Variants in AK5 observed in about 807,000 individuals in gnomAD.
AK5 encodes the protein adenylate kinase isoenzyme 5.
Under a neutral mutation model 69.5 loss-of-function variants are expected in AK5, and 27 were observed. The ratio of observed to expected loss-of-function variants is 0.39; its 90% CI spans 0.29 to 0.54. The LOEUF (loss-of-function observed/expected upper bound fraction) is 0.54. Among genes scored for constraint, AK5 ranks in the 20% least tolerant of loss-of-function variants. AK5 has a pLI of 0.71. For missense variants in AK5, 531 were observed against 700.4 expected (o/e 0.76, Z 2.73); for synonymous variants, 260 against 244.4 (o/e 1.06, Z -0.60).
chr1:77,342,992 A>G (rs11162319), intron 6 of AK5, among the ~76,000 whole-genome samples: 15,193 of 152,226 alleles, frequency 0.1, 951 homozygotes, highest in East Asian at 0.2. Flanking sequence ...CATATTGCAG[A>G]CACCTAGAAC....
chr1:77,387,349 T>C (rs1298537090), intron 6 of AK5, among the ~76,000 whole-genome samples: 1 of 152,166 alleles, frequency 6.6e-6, no homozygotes, highest in Admixed American at 6.5e-5. Flanking sequence ...ATACAAAAAC[T>C]TAGGGATACA....
chr1:77,372,772 C>CGTGTGT (rs34235538), intron 6 of AK5, among the ~76,000 whole-genome samples: 31,525 of 149,486 alleles, frequency 0.21, 4,013 homozygotes, highest in Non-Finnish European at 0.28. Context: ...TGTGTGTGTG[C>CGTGTGT]GTGTGTGTGT....
intron 12 of AK5, among the ~76,000 whole-genome samples, chr1:77,535,149 A>G (rs1220515399): frequency 7.9e-5 from 12 of 152,234 alleles, no homozygotes; most frequent in Non-Finnish European, 1.5e-5. Flanking sequence ...GTGTTCCACA[A>G]AACCAGACAG....
At chr1:77,494,199 T>C (rs1656164811) in intron 10 of AK5, among the ~76,000 whole-genome samples, 1 of 152,252 alleles carries the variant, frequency 6.6e-6, no homozygotes, top group Non-Finnish European at 1.5e-5. Flanking sequence ...GGAAGCACTA[T>C]TAATTCACCA....
intron 5 of AK5, among the ~76,000 whole-genome samples, chr1:77,324,725 C>A (rs1660706872): frequency 6.6e-6 from 1 of 151,386 alleles, no homozygotes; most frequent in African/African-American, 2.4e-5. Context: ...CTACCCTCCT[C>A]CTGGAAGTAG....
intron 2 of AK5, among the ~76,000 whole-genome samples, chr1:77,290,598 A>G (rs940947444): frequency 2.0e-5 from 3 of 152,196 alleles, no homozygotes; most frequent in African/African-American, 7.2e-5. Context: ...TCTGTGAATA[A>G]GAGTTCTAAT....
chr1:77,425,561 T>A (rs1419679025), intron 8 of AK5, among the ~76,000 whole-genome samples: 1 of 152,068 alleles, frequency 6.6e-6, no homozygotes, highest in African/African-American at 2.4e-5. Flanking sequence ...CACTCCGGCC[T>A]GGGTGATAGA....
At chr1:77,476,359 G>A (rs572106268) in intron 8 of AK5, among the ~76,000 whole-genome samples, 118 of 152,258 alleles carry the variant, frequency 7.7e-4, no homozygotes, top group Non-Finnish European at 3.7e-4. Flanking sequence ...TGAAGGACCA[G>A]TCTCCCTTCT....
chr1:77,497,152 A>C (rs551888762), intron 10 of AK5, among the ~76,000 whole-genome samples: 44 of 152,350 alleles, frequency 2.9e-4, no homozygotes, highest in Non-Finnish European at 5.1e-4. Flanking sequence ...CAGCAAGACC[A>C]CGAACCCACT....
intron 5 of AK5, among the ~76,000 whole-genome samples, chr1:77,334,501 A>G (rs1193094203): frequency 2.6e-5 from 4 of 151,910 alleles, no homozygotes; most frequent in African/African-American, 9.7e-5. Flanking sequence ...GTCAGTTTGG[A>G]AAATTCTTAG....
At chr1:77,438,028 TC>T (rs1652061747) in intron 8 of AK5, among the ~76,000 whole-genome samples, 1 of 152,016 alleles carries the variant, frequency 6.6e-6, no homozygotes, top group Non-Finnish European at 1.5e-5. Flanking sequence ...AATTAACATT[TC>T]CAAAAGGGAT....
At chr1:77,447,540 G>A (rs1652828253) in intron 8 of AK5, among the ~76,000 whole-genome samples, 1 of 151,468 alleles carries the variant, frequency 6.6e-6, no homozygotes, top group African/African-American at 2.4e-5. Context: ...CTGATCAGTA[G>A]AGACTGTTTT....
chr1:77,367,259 A>G (rs1190987625), intron 6 of AK5, among the ~76,000 whole-genome samples: 2 of 151,924 alleles, frequency 1.3e-5, no homozygotes, highest in East Asian at 1.9e-4. Context: ...GATAATTTGC[A>G]TATACATAGT....
chr1:77,493,383 T>G (rs1429994477), intron 10 of AK5, among the ~76,000 whole-genome samples: 4 of 151,694 alleles, frequency 2.6e-5, no homozygotes, highest in Admixed American at 2.6e-4. Context: ...TCCCCCACCT[T>G]CCCTGTTCCT....
intron 5 of AK5, among the ~76,000 whole-genome samples, chr1:77,330,389 A>C (rs768343473): frequency 1.3e-5 from 2 of 152,224 alleles, no homozygotes; most frequent in Non-Finnish European, 2.9e-5. Context: ...TTTAGATCTG[A>C]AAATCCATCT....
chr1:77,294,735 T>G (rs1658889187), intron 3 of AK5, among the ~76,000 whole-genome samples: 1 of 152,156 alleles, frequency 6.6e-6, no homozygotes, highest in Non-Finnish European at 1.5e-5. Context: ...CCCATGACAT[T>G]TCACAAGGAA....
chr1:77,487,320 G>T (rs953956849), intron 10 of AK5, among the ~76,000 whole-genome samples: 2 of 152,170 alleles, frequency 1.3e-5, no homozygotes, highest in African/African-American at 2.4e-5. Context: ...GTGAGGGCCA[G>T]ATTTCCAGTT....
chr1:77,435,046 A>C (rs975788361), intron 8 of AK5, among the ~76,000 whole-genome samples: 18 of 152,196 alleles, frequency 1.2e-4, no homozygotes, highest in African/African-American at 4.3e-4. Context: ...CAAGACAAAC[A>C]TTTGAGCATC....
chr1:77,470,855 ATATATATATATATATATATATTTT>A (rs1654442431), intron 8 of AK5, among the ~76,000 whole-genome samples: 2 of 2,884 alleles, frequency 6.9e-4, no homozygotes, highest in African/African-American at 1.6e-3. Flanking sequence ...ATATATATAT[ATATATATATATATATATATATTTT>A]TTTTTTTTTT....
Sources: allele counts gnomAD v4.1 joint callset (sites outside exome capture counted in the v4.1 genomes callset), GRCh38; gene constraint gnomAD v4.1.1; transcripts MANE v1.5; gene names NCBI Gene and HGNC (gene_info 2026-07-23, HGNC 2026-07-21).